Variants in MYOM3 observed in about 807,000 individuals in gnomAD.
MYOM3 encodes myomesin 3, also known as myomesin-3.
MYOM3 carries 155 observed loss-of-function variants against 191.7 expected under a neutral mutation model. The observed-to-expected ratio is 0.81, with a 90% CI of 0.71 to 0.92. The LOEUF (loss-of-function observed/expected upper bound fraction) is 0.92. Among genes scored for constraint, MYOM3 ranks in the 40% least tolerant of loss-of-function variants. The pLI, the probability that MYOM3 is intolerant of heterozygous loss-of-function variation, is 0.00. For synonymous variants in MYOM3, 757 were observed against 762.9 expected, an observed-to-expected ratio of 0.99 and a Z score of 0.13; for missense variants, 1,889 against 1,890.6, an observed-to-expected ratio of 1.00 and a Z score of 0.02.
Position 24,074,141 on chromosome 1 carries a change from A to C in MYOM3, c.2968+19T>G. ...CTCTCTCTCTGGGGAGGTGGCAGGGAGCGGGGTAGGTGCATTACCTTCCTC... is the reference window on the plus strand; with the variant it reads ...CTCTCTCTCTGGGGAGGTGGCAGGGCGCGGGGTAGGTGCATTACCTTCCTC... On this transcript the variant is annotated intron_variant, in intron 23 of 36. Transcript: ENST00000374434. The C allele has an allele frequency of 6.3e-7, 1 of 1,582,596 alleles. No individual in the cohort carries two copies. The highest frequency in any genetic ancestry group is 8.7e-7 in the Non-Finnish European group (1 of 1,153,008).
chr1:24,105,077 C>G (rs535079537), intron 5 of MYOM3, among the ~76,000 whole-genome samples: 1 of 152,254 alleles, frequency 6.6e-6, no homozygotes, highest in East Asian at 1.9e-4. Context: ...GACCCCTGCC[C>G]CTGCCCCTGC....
At chr1:24,103,250 G>T (rs114828497) in intron 5 of MYOM3, among the ~76,000 whole-genome samples, 2 of 152,236 alleles carry the variant, frequency 1.3e-5, no homozygotes, top group African/African-American at 2.4e-5. Flanking sequence ...AGCGCTGGGA[G>T]CAGTCCTCCT....
chr1:24,089,724 A>C, intron 13 of MYOM3, 59 bp from the exon 14 acceptor site: 34 of 1,506,780 alleles, frequency 2.3e-5, no homozygotes, highest in African/African-American at 2.8e-5. Context: ...CCCTAATCTC[A>C]GTGCCTCATT....
chr1:24,057,725 C>A, intron 36 of MYOM3, 98 bp from the exon 37 acceptor site: 1 of 1,034,390 alleles, frequency 9.7e-7, no homozygotes. Flanking sequence ...TCAGGTTGCT[C>A]CCTGTGATAA....
chr1:24,105,871 C>CA, intron 5 of MYOM3, 49 bp downstream of exon 5: 4 of 1,534,752 alleles, frequency 2.6e-6, no homozygotes, highest in Non-Finnish European at 3.5e-6. Context: ...GTGAGGAACT[C>CA]ACTTGTGACC....
chr1:24,068,414 T>G (rs1643481414), intron 25 of MYOM3, 47 bp from the exon 26 acceptor site: 1 of 1,609,984 alleles, frequency 6.2e-7, no homozygotes, highest in African/African-American at 1.3e-5. Flanking sequence ...CTGGGAACTT[T>G]GTTGTGGGGT....
At chr1:24,100,148 C>A (rs968492331) in intron 5 of MYOM3, among the ~76,000 whole-genome samples, 4 of 152,154 alleles carry the variant, frequency 2.6e-5, no homozygotes, top group African/African-American at 9.7e-5. Context: ...AGATTATAGG[C>A]GTGAACCACC....
chr1:24,110,626 A>G (rs1644030876), intron 1 of MYOM3, among the ~76,000 whole-genome samples: 1 of 152,028 alleles, frequency 6.6e-6, no homozygotes, highest in Non-Finnish European at 1.5e-5. Context: ...CATCAGGAAA[A>G]AGAGAATGGA....
At chr1:24,104,683 G>A (rs1162699078) in intron 5 of MYOM3, among the ~76,000 whole-genome samples, 1 of 152,136 alleles carries the variant, frequency 6.6e-6, no homozygotes, top group Non-Finnish European at 1.5e-5. Context: ...CCAAGTAGCT[G>A]GGACTACAGG....
chr1:24,109,331 G>C (rs1473731265), intron 1 of MYOM3, among the ~76,000 whole-genome samples: 1 of 152,210 alleles, frequency 6.6e-6, no homozygotes, highest in African/African-American at 2.4e-5. Flanking sequence ...TCTGTAAAAT[G>C]GGTCTACTAA....
intron 16 of MYOM3, 123 bp downstream of exon 16, chr1:24,084,345 G>T: frequency 9.4e-7 from 1 of 1,066,360 alleles, no homozygotes; most frequent in Non-Finnish European, 1.4e-6. Flanking sequence ...AGAAAAAGAA[G>T]CCTGTATAGG....
At position 24,090,956 on chromosome 1, in the gene MYOM3, C is replaced by T. The variant is rs373260246; in HGVS notation, c.1273G>A (p.Ala425Thr). The change falls in exon 12 of 37, where the codon GCC becomes ACC. Residue 425 changes from alanine (A) to threonine (T), a missense_variant. Ala to Thr is a moderately conservative substitution (Grantham distance 58). Coordinates refer to ENST00000374434, the MANE Select transcript of MYOM3 (RefSeq NM_152372.4). ...ESGEWIACHEAPGGTCRCPIQ... is the reference protein window; with the variant it reads ...ESGEWIACHETPGGTCRCPIQ... ...GGGCACCGACAAGTCCCTCCGGGGG[C>T]CTCATGGCAGGCGATCCATTCCCCA... is the stretch of plus-strand genomic sequence containing the variant. 1.2e-5 allele frequency: 19 copies of T among 1,613,978 alleles called. No individual in the cohort carries two copies. The highest frequency in any genetic ancestry group is 4.0e-5 in the African/African-American group (3 of 74,918).
At chr1:24,076,382 T>G in intron 20 of MYOM3, 109 bp from the exon 21 acceptor site, 1 of 731,810 alleles carries the variant, frequency 1.4e-6, no homozygotes, top group East Asian at 2.6e-5. Context: ...TCTCCCTTCT[T>G]GTGTCCCTCA....
Position 24,082,725 on chromosome 1 carries a change from A to G in MYOM3, c.1971-11T>C. On this transcript the variant is annotated splice_polypyrimidine_tract_variant and intron_variant, in intron 16 of 36. Transcript: ENST00000374434. ...CCGGGAACTGTAAACCTGGGAGAGA[A>G]ATGTGCAGCTTTCATGGATGTACAA... 3 of 1,590,200 alleles carry G rather than the reference A, an allele frequency of 1.9e-6. No homozygotes were observed. The highest frequency in any genetic ancestry group is 2.6e-6 in the Non-Finnish European group (3 of 1,171,040).
chr1:24,063,491 C>T lies in MYOM3; in HGVS notation c.3661+1G>A. 4 of 1,614,120 alleles carry T rather than the reference C, an allele frequency of 2.5e-6. No individual in the cohort carries two copies. Among genetic ancestry groups the T allele is most frequent in the Non-Finnish European group, 3.4e-6 (4 of 1,179,998 alleles). The stretch of plus-strand genomic sequence containing the variant: ...GCTGGGCAAAGAGGCAGGCTGCTTA[C>T]CACCAATCCTGCCCAACTCGGTGAA... On this transcript the variant is annotated splice_donor_variant, in intron 31 of 36. Coordinates refer to ENST00000374434, the MANE Select transcript of MYOM3 (RefSeq NM_152372.4). LOFTEE classifies it high-confidence loss of function. This position sits in a 1 kb window ranked among gnomAD's most constrained non-coding sequence, Gnocchi z 4.5.
At chr1:24,076,583 G>C (rs12126712) in intron 20 of MYOM3, among the ~76,000 whole-genome samples, 2 of 57,506 alleles carry the variant, frequency 3.5e-5, no homozygotes, top group Non-Finnish European at 7.2e-5. Context: ...GCGGGATCTC[G>C]GCTCATTGCA....
chr1:24,107,281 G>C, intron 3 of MYOM3, 49 bp from the exon 4 acceptor site: 1 of 1,498,180 alleles, frequency 6.7e-7, no homozygotes, highest in Non-Finnish European at 9.0e-7. Flanking sequence ...GGGGATGCCT[G>C]GGGCATCCTG....
In MYOM3 at chr1:24,066,146, G is replaced by T. The variant is rs542671846; in HGVS notation, c.3424-145C>A. On this transcript the variant is annotated intron_variant, in intron 28 of 36. Coordinates refer to ENST00000374434, the MANE Select transcript of MYOM3 (RefSeq NM_152372.4). ...GCTGGCCTCTGGACTCTGAATTCTT[G>T]CTAATGGTTTTCCCTCTGCCTCTTG... 2.3e-5 allele frequency: 17 copies of T among 729,950 alleles called. No homozygotes were observed. In the South Asian group the frequency reaches 2.5e-4, roughly 11 times the overall value. The allele number at this position is 729,950 out of a possible 1,614,324, so 45.2% of individuals were successfully genotyped here.
Position 24,086,546 on chromosome 1 carries a change from C to T in MYOM3, c.1798+98G>A, listed in dbSNP as rs912791620. 3.7e-5 allele frequency: 46 copies of T among 1,239,826 alleles called. No individual in the cohort carries two copies. The African/African-American group carries it at 4.7e-4, about 13-fold the overall frequency. The allele number at this position is 1,239,826 out of a possible 1,614,324, so 76.8% of individuals were successfully genotyped here. On this transcript the variant is annotated intron_variant, in intron 15 of 36. Coordinates refer to ENST00000374434, the MANE Select transcript of MYOM3 (RefSeq NM_152372.4). ...CAGCTTCATGATGGGTAGAAGGGAG[C>T]GGGGACAGGGAAGTGGGCAGGGCTT...
Sources: allele counts gnomAD v4.1 joint callset (sites outside exome capture counted in the v4.1 genomes callset), GRCh38; gene constraint gnomAD v4.1.1; non-coding constraint Gnocchi (gnomAD v3.1); transcripts MANE v1.5; gene names NCBI Gene and HGNC (gene_info 2026-07-23, HGNC 2026-07-21).